Variants in PAK5 observed in about 807,000 individuals in gnomAD.
PAK5 encodes the protein p21 (RAC1) activated kinase 5.
PAK5 carries 16 observed loss-of-function variants against 65.9 expected under a neutral mutation model. The ratio of observed to expected loss-of-function variants is 0.24; its 90% CI spans 0.16 to 0.37. The LOEUF (loss-of-function observed/expected upper bound fraction) is 0.37, where lower values mean the gene tolerates loss of function less well. Among genes scored for constraint, PAK5 ranks in the 10% least tolerant of loss-of-function variants. The pLI, the probability that PAK5 is intolerant of heterozygous loss-of-function variation, is 1.00. For missense variants in PAK5, 785 were observed against 903.9 expected (o/e 0.87, Z 1.69); for synonymous variants, 371 against 354.9 (o/e 1.05, Z -0.51).
At chr20:9,711,873 C>G (rs890307993) in intron 1 of PAK5, among the ~76,000 whole-genome samples, 1 of 152,136 alleles carries the variant, frequency 6.6e-6, no homozygotes, top group African/African-American at 2.4e-5. Flanking sequence ...TTAGCAAATA[C>G]CAAAGCACTG....
intron 1 of PAK5, among the ~76,000 whole-genome samples, chr20:9,813,231 T>G (rs2327230): frequency 6.6e-6 from 1 of 151,878 alleles, no homozygotes; most frequent in Admixed American, 6.6e-5. Flanking sequence ...GTAGGAGATA[T>G]AGGAGCTACG....
intron 1 of PAK5, among the ~76,000 whole-genome samples, chr20:9,767,016 C>T (rs557568179): frequency 3.3e-5 from 5 of 152,018 alleles, no homozygotes; most frequent in African/African-American, 1.2e-4. Flanking sequence ...CTGACCATGG[C>T]CCCCACGTTC....
At chr20:9,693,391 C>T (rs968130047) in intron 2 of PAK5, among the ~76,000 whole-genome samples, 5 of 151,936 alleles carry the variant, frequency 3.3e-5, no homozygotes, top group African/African-American at 1.2e-4. Flanking sequence ...CTCCCTCCTC[C>T]CTTCTGCTTC....
rs890901914 is a variant in PAK5, at chr20:9,696,253, T to G, written c.-12+15033A>C. Among the ~76,000 whole-genome samples, 5 of 152,104 alleles carry G rather than the reference T, an allele frequency of 3.3e-5. No individual in the cohort carries two copies. The South Asian group carries it at 8.3e-4, about 25-fold the overall frequency. ...ACAGTGGTTCTCAAGGTGCAACCTC[T>G]GGACCATCAGCATAGGTATCACTGG... On this transcript the variant is annotated intron_variant, in intron 2 of 9. Transcript: ENST00000353224.
In PAK5 at chr20:9,565,988, C is replaced by G; in HGVS notation, c.1387G>C (p.Val463Leu). The G allele has an allele frequency of 6.2e-7, 1 of 1,600,520 alleles. No individual in the cohort carries two copies. ...GTGTGTTTCTCGGTGGCGATGCATA[C>G]GATGCCGGTTGAGCCTTCCCCGATT... ...IKIGEGSTGI[V>L]CIATEKHTGK... is the part of the protein sequence containing the mutation. Residue 463 changes from valine to leucine, a missense_variant, in exon 5 of 10, where the codon GTA becomes CTA. By Grantham distance (32) the Val-to-Leu change is conservative. Coordinates refer to ENST00000353224, the MANE Select transcript of PAK5 (RefSeq NM_177990.4).
chr20:9,540,780 A>C (rs960452999), intron 9 of PAK5, among the ~76,000 whole-genome samples: 1 of 148,230 alleles, frequency 6.7e-6, no homozygotes, highest in South Asian at 2.1e-4. Flanking sequence ...TGTGTCACCT[A>C]GGCTGGAGTG....
intron 4 of PAK5, among the ~76,000 whole-genome samples, chr20:9,570,673 C>T (rs73243564): frequency 0.011 from 1,748 of 152,256 alleles, 28 homozygotes; most frequent in African/African-American, 0.038. Context: ...GAAAGTGTGT[C>T]CTGGGAGCCA....
At chr20:9,686,013 C>G (rs1410195966) in intron 2 of PAK5, among the ~76,000 whole-genome samples, 1 of 152,134 alleles carries the variant, frequency 6.6e-6, no homozygotes, top group Non-Finnish European at 1.5e-5. Flanking sequence ...TTTCTTTGAG[C>G]TAAATAAGCC....
chr20:9,803,504 T>G (rs1453526625), intron 1 of PAK5, among the ~76,000 whole-genome samples: 2 of 152,186 alleles, frequency 1.3e-5, no homozygotes, highest in African/African-American at 4.8e-5. Context: ...TTGGAATGAC[T>G]TGCTGAAAGC....
At chr20:9,623,830 G>A (rs773907609) in intron 3 of PAK5, among the ~76,000 whole-genome samples, 1 of 152,196 alleles carries the variant, frequency 6.6e-6, no homozygotes, top group Non-Finnish European at 1.5e-5. Flanking sequence ...AAACACAATA[G>A]TGAAAAGAGA....
intron 3 of PAK5, among the ~76,000 whole-genome samples, chr20:9,621,405 TAAA>T (rs33927046): frequency 3.4e-5 from 4 of 118,134 alleles, no homozygotes; most frequent in Non-Finnish European, 6.8e-5. Flanking sequence ...CAGGACTGAT[TAAA>T]AAAAAAAAAA....
chr20:9,652,672 G>C (rs1004994874), intron 2 of PAK5, among the ~76,000 whole-genome samples: 1 of 152,050 alleles, frequency 6.6e-6, no homozygotes, highest in Non-Finnish European at 1.5e-5. Context: ...TTGTGACCTG[G>C]GCCTGTTTTT....
At chr20:9,810,003 A>C (rs528310509) in intron 1 of PAK5, among the ~76,000 whole-genome samples, 124 of 152,300 alleles carry the variant, frequency 8.1e-4, no homozygotes, top group African/African-American at 2.9e-3. Context: ...TGCTAAAATT[A>C]CATTTGCTAC....
rs375789107 is a variant in PAK5, at chr20:9,695,366, C to T, written c.-12+15920G>A. ...TTTGATGAATACTTGTTAGTTTAGT[C>T]CAATTTACATATCTTTTCCATTATA... On this transcript the variant is annotated intron_variant, in intron 2 of 9. Coordinates refer to ENST00000353224, the MANE Select transcript of PAK5 (RefSeq NM_177990.4). Among the ~76,000 whole-genome samples, 13 of 152,088 alleles carry T rather than the reference C, an allele frequency of 8.5e-5. 1 individual carries two copies. Among genetic ancestry groups the T allele is most frequent in the East Asian group, 5.8e-4 (3 of 5,180 alleles).
intron 5 of PAK5, among the ~76,000 whole-genome samples, chr20:9,563,506 C>G (rs1027284186): frequency 6.6e-6 from 1 of 152,166 alleles, no homozygotes; most frequent in Non-Finnish European, 1.5e-5. Context: ...AACTTAACTT[C>G]TCCTTGGAAG....
chr20:9,588,800 C>T (rs181097647), intron 3 of PAK5, among the ~76,000 whole-genome samples: 56 of 152,232 alleles, frequency 3.7e-4, no homozygotes, highest in African/African-American at 1.3e-3. Flanking sequence ...TCAATGCAAC[C>T]CAATCTATTT....
intron 1 of PAK5, among the ~76,000 whole-genome samples, chr20:9,834,478 T>A (rs1210795179): frequency 6.6e-6 from 1 of 152,176 alleles, no homozygotes; most frequent in Non-Finnish European, 1.5e-5. Flanking sequence ...CTAATTTACC[T>A]CCAGAGATAA....
At chr20:9,570,705 T>A (rs963135811) in intron 4 of PAK5, among the ~76,000 whole-genome samples, 1 of 152,242 alleles carries the variant, frequency 6.6e-6, no homozygotes, top group Non-Finnish European at 1.5e-5. Flanking sequence ...TATCACCCTG[T>A]GTCTTCCTTG....
At position 9,542,724 on chromosome 20, in the gene PAK5, T is replaced by C. The variant is rs1464168380; in HGVS notation, c.1870-4A>G. On this transcript the variant is annotated splice_region_variant and splice_polypyrimidine_tract_variant and intron_variant, in intron 8 of 9. Coordinates refer to ENST00000353224, the MANE Select transcript of PAK5 (RefSeq NM_177990.4). ...TCCCGAGGGACCAGATGTCCACCTG[T>C]TAGGCACACCCTACTGGTTATCTCA... 3 of 1,613,804 alleles carry C rather than the reference T, an allele frequency of 1.9e-6. No individual in the cohort carries two copies. The highest frequency in any genetic ancestry group is 2.2e-5 in the South Asian group (2 of 91,040).
Sources: gnomAD v4.1 joint callset for allele counts (sites outside exome capture counted in the v4.1 genomes callset) on GRCh38, gnomAD v4.1.1 for gene constraint, MANE v1.5 for transcripts, NCBI Gene and HGNC (gene_info 2026-07-23, HGNC 2026-07-21) for gene names.